ZNF783: variants seen among roughly 807,000 people sequenced by gnomAD.
ZNF783 encodes the protein protein ZNF783.
In ZNF783, 25 loss-of-function variants were observed where a neutral mutation model predicts 31.3. The ratio of observed to expected loss-of-function variants is 0.80; its 90% CI spans 0.58 to 1.11. The LOEUF (loss-of-function observed/expected upper bound fraction) is 1.11. Among genes scored for constraint, ZNF783 ranks in the 50% most tolerant of loss-of-function variants. ZNF783 has a pLI of 0.00. For missense variants in ZNF783, 797 were observed against 760.0 expected (o/e 1.05, Z -0.57); for synonymous variants, 369 against 319.1 (o/e 1.16, Z -1.66).
At position 149,273,402 on chromosome 7, in the gene ZNF783, C is replaced by T. The variant is rs77101637; in HGVS notation, c.674-4997C>T. On this transcript the variant is annotated intron_variant, in intron 4 of 5. Coordinates refer to ENST00000434415, the MANE Select transcript of ZNF783 (RefSeq NM_001195220.2). ...GAGGGTTCCCTTTTCTCCACATCCTCGCCAGCATGTGTTATTGCCCGTCTT... is the reference window on the plus strand; with the variant it reads ...GAGGGTTCCCTTTTCTCCACATCCTTGCCAGCATGTGTTATTGCCCGTCTT... Among the ~76,000 whole-genome samples the T allele has an allele frequency of 3.3e-5, 5 of 152,282 alleles. No individual in the cohort carries two copies. The East Asian group carries it at 9.6e-4, about 29-fold the overall frequency.
rs747397135 is a variant in ZNF783, at chr7:149,266,522, C to T, written c.212C>T (p.Thr71Met). The change falls in exon 2 of 6, where the codon ACG becomes ATG. Residue 71 changes from threonine to methionine, a missense_variant. By Grantham distance (81) the Thr-to-Met change is moderately conservative. Coordinates refer to ENST00000434415, the MANE Select transcript of ZNF783 (RefSeq NM_001195220.2). ...CGCTTGCTGACTCTGGAGGGGCGCACGGGGACAGCCGAGAAGAAGCTGGCC... is the reference window on the plus strand; with the variant it reads ...CGCTTGCTGACTCTGGAGGGGCGCATGGGGACAGCCGAGAAGAAGCTGGCC... Reference protein sequence around the residue: ...LTRLLTLEGRTGTAEKKLADC... With the variant: ...LTRLLTLEGRMGTAEKKLADC... 1.7e-5 allele frequency: 27 copies of T among 1,613,876 alleles called. No individual in the cohort carries two copies. The highest frequency in any genetic ancestry group is 8.0e-5 in the African/African-American group (6 of 74,896).
intron 4 of ZNF783, 25 bp downstream of exon 4, chr7:149,267,247 T>TG (rs762469118): frequency 3.9e-6 from 6 of 1,558,436 alleles, no homozygotes; most frequent in Admixed American, 1.9e-5. Flanking sequence ...CAGATGTGGT[T>TG]GGGGGGCCGC....
At chr7:149,262,753 G>A (rs1373482789) in intron 1 of ZNF783, among the ~76,000 whole-genome samples, 1 of 152,250 alleles carries the variant, frequency 6.6e-6, no homozygotes, top group African/African-American at 2.4e-5. Context: ...AGATGGGAAG[G>A]GACAGGCCCA....
At chr7:149,280,860 C>G (rs1797451392) in intron 5 of ZNF783, among the ~76,000 whole-genome samples, 1 of 152,248 alleles carries the variant, frequency 6.6e-6, no homozygotes, top group African/African-American at 2.4e-5. Context: ...CTTGTCACTG[C>G]TGTCCCAGCA....
At chr7:149,262,540 C>G (rs1288034345) in intron 1 of ZNF783, among the ~76,000 whole-genome samples, 183 bp downstream of exon 1, 1 of 152,220 alleles carries the variant, frequency 6.6e-6, no homozygotes, top group Non-Finnish European at 1.5e-5. Flanking sequence ...GCCCAAATGC[C>G]AGGCCCGGCG....
rs760800047 is a variant in ZNF783, at chr7:149,281,889, C to T, written c.1187C>T (p.Pro396Leu). ...SCGDSQAMLE[P>L]GEVVVPGPVI... is the part of the protein sequence containing the mutation. ...GGGGACAGCCAGGCCATGCTGGAGC[C>T]GGGGGAGGTGGTGGTACCCGGCCCT... Residue 396 changes from proline to leucine, a missense_variant, in exon 6 of 6, where the codon CCG becomes CTG. Transcript: ENST00000434415. 1.3e-5 allele frequency: 20 copies of T among 1,511,210 alleles called. No individual in the cohort carries two copies. Among genetic ancestry groups the T allele is most frequent in the Non-Finnish European group, 1.8e-5 (20 of 1,136,158 alleles). 93.6% of individuals were successfully genotyped at this position (1,511,210 alleles called of 1,614,324 possible).
chr7:149,273,506 T>C (rs1797256428), intron 4 of ZNF783, among the ~76,000 whole-genome samples: 1 of 152,144 alleles, frequency 6.6e-6, no homozygotes, highest in South Asian at 2.1e-4. Flanking sequence ...TGATCGATTA[T>C]GTTGAGCACC....
intron 1 of ZNF783, 25 bp downstream of exon 1, chr7:149,262,382 G>T (rs911653548): frequency 2.1e-5 from 27 of 1,258,946 alleles, no homozygotes; most frequent in Admixed American, 8.4e-5. Flanking sequence ...CCCCGCGGAC[G>T]CCCGGAAGGC....
chr7:149,268,362 C>T (rs1207285219), intron 4 of ZNF783, among the ~76,000 whole-genome samples: 1 of 152,106 alleles, frequency 6.6e-6, no homozygotes, highest in Non-Finnish European at 1.5e-5. Context: ...ATTTGGTTTA[C>T]GTCTCTGAAG....
chr7:149,269,707 A>T (rs1226055199), intron 4 of ZNF783, among the ~76,000 whole-genome samples: 1 of 152,154 alleles, frequency 6.6e-6, no homozygotes, highest in Non-Finnish European at 1.5e-5. Context: ...TTTAGGGTGC[A>T]TGTGCACAAT....
chr7:149,267,593 C>T (rs190576031), intron 4 of ZNF783, among the ~76,000 whole-genome samples: 18 of 152,146 alleles, frequency 1.2e-4, no homozygotes, highest in African/African-American at 2.2e-4. Context: ...GTCAGGAGAT[C>T]GAGACCATCC....
rs1398956477 is a variant in ZNF783, at chr7:149,282,025, C to T, written c.1323C>T (p.Cys441=). The T allele has an allele frequency of 1.9e-6, 3 of 1,587,356 alleles. No individual in the cohort carries two copies. The highest frequency in any genetic ancestry group is 1.1e-5 in the South Asian group (1 of 89,654). Residue 441 remains cysteine, a synonymous_variant, in exon 6 of 6, where the codon TGC becomes TGT. Coordinates refer to ENST00000434415, the MANE Select transcript of ZNF783 (RefSeq NM_001195220.2). ...AASKMYHCSE[C]LRFFQQRKSL... ...GCAAGATGTACCACTGCAGCGAGTG[C>T]CTGCGCTTCTTCCAGCAGCGCAAGA...
At position 149,282,222 on chromosome 7, in the gene ZNF783, A is replaced by G. The variant is rs1563200417; in HGVS notation, c.1520A>G (p.His507Arg). ...PQCGRTFNRN[H>R]HLAVHMQTHA... ...TGTGGCCGGACCTTCAACCGCAACC[A>G]CCACCTGGCCGTGCACATGCAGACC... Residue 507 changes from histidine to arginine, a missense_variant, in exon 6 of 6, where the codon CAC (histidine) becomes CGC (arginine). Physicochemically the swap from His to Arg is conservative, Grantham distance 29. Coordinates refer to ENST00000434415, the MANE Select transcript of ZNF783 (RefSeq NM_001195220.2). 9 of 1,597,986 alleles carry G rather than the reference A, an allele frequency of 5.6e-6. No homozygotes were observed. The highest frequency in any genetic ancestry group is 2.2e-5 in the South Asian group (2 of 91,052).
rs1357775057 is a variant in ZNF783, at chr7:149,283,489, A to G, written c.*1146A>G. The stretch of plus-strand genomic sequence containing the variant: ...CAGTGTTCATGGGTGTGTAAGATCC[A>G]TTGACTGGACCCCAGAAAGCACCCT... On this transcript the variant is annotated 3_prime_UTR_variant, in exon 6 of 6. Transcript: ENST00000434415. The G allele has an allele frequency of 1.3e-5, 2 of 152,228 alleles. No individual in the cohort carries two copies. Among genetic ancestry groups the G allele is most frequent in the African/African-American group, 4.8e-5 (2 of 41,438 alleles). 9.4% of individuals were successfully genotyped at this position (152,228 alleles called of 1,614,324 possible).
rs532583479 is a variant in ZNF783 at position 149,266,196 on chromosome 7, T to TC, written c.25-132dup. ...TAACTGATACCCTAGCCTCTCCCTCTCCCCCCCAGTCTGCTGCTAACTCAG... is the reference window on the plus strand; with the variant it reads ...TAACTGATACCCTAGCCTCTCCCTCTCCCCCCCCAGTCTGCTGCTAACTCAG... On this transcript the variant is annotated intron_variant, in intron 1 of 5. Coordinates refer to ENST00000434415, the MANE Select transcript of ZNF783 (RefSeq NM_001195220.2). The TC allele has an allele frequency of 4.3e-4, 427 of 991,880 alleles. 11 individuals are homozygous for TC. In the South Asian group the frequency reaches 4.6e-3, roughly 11 times the overall value. The allele number at this position is 991,880 out of a possible 1,614,324, so 61.4% of individuals were successfully genotyped here. A position where few individuals can be genotyped will look rare whatever the true frequency, so the allele number is the denominator to read the frequency against.
At chr7:149,268,117 A>G (rs1193624007) in intron 4 of ZNF783, among the ~76,000 whole-genome samples, 7 of 152,210 alleles carry the variant, frequency 4.6e-5, no homozygotes, top group Non-Finnish European at 1.5e-5. Context: ...GAATCTCCAA[A>G]TGATCGTCAC....
chr7:149,267,250 G>A (rs1797101321), intron 4 of ZNF783, 28 bp downstream of exon 4: 1 of 1,552,646 alleles, frequency 6.4e-7, no homozygotes, highest in Non-Finnish European at 8.6e-7. Context: ...ATGTGGTTGG[G>A]GGGCCGCCAG....
In ZNF783 at chr7:149,262,374, C is replaced by T; in HGVS notation, c.24+17C>T. ...CCTGCCCGGGTAAGCGCCCTCGGCC[C>T]CGCGGACGCCCGGAAGGCCCAGGCC... is the stretch of plus-strand genomic sequence containing the variant. On this transcript the variant is annotated intron_variant, in intron 1 of 5. Transcript: ENST00000434415. 7.9e-7 allele frequency: 1 copy of T among 1,272,140 alleles called. No homozygotes were observed. Among genetic ancestry groups the T allele is most frequent in the Non-Finnish European group, 9.9e-7 (1 of 1,010,892 alleles). The allele number at this position is 1,272,140 out of a possible 1,614,324, so 78.8% of individuals were successfully genotyped here. A position where few individuals can be genotyped will look rare whatever the true frequency, so the allele number is the denominator to read the frequency against.
At chr7:149,267,268 C>A in intron 4 of ZNF783, 46 bp downstream of exon 4, 1 of 1,543,394 alleles carries the variant, frequency 6.5e-7, no homozygotes, top group Non-Finnish European at 8.7e-7. Flanking sequence ...CAGGGGCTAG[C>A]TGCACCATCG....
Sources: allele counts gnomAD v4.1 joint callset (sites outside exome capture counted in the v4.1 genomes callset), GRCh38; gene constraint gnomAD v4.1.1; transcripts MANE v1.5; gene names NCBI Gene and HGNC (gene_info 2026-07-23, HGNC 2026-07-21).